Variants in DCC observed in about 807,000 individuals in gnomAD.
The protein encoded by DCC is DCC netrin 1 receptor.
In DCC, 58 loss-of-function variants were observed where a neutral mutation model predicts 172.5. The observed-to-expected ratio is 0.34, with a 90% CI of 0.27 to 0.42. DCC has a LOEUF of 0.42. Ranked by LOEUF, DCC falls within the 10% of genes least tolerant of loss-of-function variation. DCC has a pLI of 1.00. For missense variants in DCC, 1,740 were observed against 1,791.0 expected (o/e 0.97, Z 0.51); for synonymous variants, 709 against 644.5 (o/e 1.10, Z -1.52).
chr18:52,882,505 C>A (rs1369929156), intron 2 of DCC, among the ~76,000 whole-genome samples: 1 of 151,898 alleles, frequency 6.6e-6, no homozygotes, highest in Non-Finnish European at 1.5e-5. Flanking sequence ...TTTGTTTCAA[C>A]AAATTTTTCA....
chr18:53,262,158 A>G (rs1225538841), intron 12 of DCC, among the ~76,000 whole-genome samples: 1 of 152,238 alleles, frequency 6.6e-6, no homozygotes, highest in Non-Finnish European at 1.5e-5. Flanking sequence ...TCAGAAGCCA[A>G]CATGGCAGAT....
At chr18:52,536,717 T>C (rs1303175461) in intron 1 of DCC, among the ~76,000 whole-genome samples, 5 of 152,160 alleles carry the variant, frequency 3.3e-5, no homozygotes, top group African/African-American at 9.7e-5. Flanking sequence ...CTAGGACATG[T>C]CGCCCTTTTC....
intron 13 of DCC, among the ~76,000 whole-genome samples, chr18:53,306,612 C>T (rs2057203398): frequency 6.6e-6 from 1 of 152,212 alleles, no homozygotes; most frequent in Non-Finnish European, 1.5e-5. Context: ...TGGTTGAGTT[C>T]ACCAACAGCT....
chr18:52,642,014 GTATATATATATATATATATA>G (rs1193018662), intron 1 of DCC, among the ~76,000 whole-genome samples: 6 of 34,504 alleles, frequency 1.7e-4, no homozygotes, highest in Non-Finnish European at 3.0e-4. Flanking sequence ...GTGTGTGTGT[GTATATATATATATATATATA>G]TATATATATA....
intron 2 of DCC, among the ~76,000 whole-genome samples, chr18:52,790,817 C>A (rs2037749800): frequency 6.6e-6 from 1 of 152,156 alleles, no homozygotes; most frequent in African/African-American, 2.4e-5. Context: ...TGGGGTTAAG[C>A]TTTGGAGCAG....
chr18:52,346,564 G>T (rs1983887230), intron 1 of DCC, among the ~76,000 whole-genome samples: 1 of 152,142 alleles, frequency 6.6e-6, no homozygotes, highest in South Asian at 2.1e-4. Context: ...GTGTGGTTTA[G>T]AAATACATAA....
chr18:52,719,296 C>T (rs1001077226), intron 1 of DCC, among the ~76,000 whole-genome samples: 21 of 151,980 alleles, frequency 1.4e-4, no homozygotes, highest in African/African-American at 5.1e-4. Flanking sequence ...TGGGGGATGA[C>T]AGTGTATTCA....
intron 15 of DCC, among the ~76,000 whole-genome samples, chr18:53,340,965 A>G (rs372057180): frequency 6.6e-6 from 1 of 152,204 alleles, no homozygotes; most frequent in African/African-American, 2.4e-5. Context: ...AAAGGAAGAA[A>G]ATTGCACTGA....
chr18:52,365,604 G>A (rs1984813482), intron 1 of DCC, among the ~76,000 whole-genome samples: 1 of 151,946 alleles, frequency 6.6e-6, no homozygotes, highest in African/African-American at 2.4e-5. Context: ...GAGGGGAGGA[G>A]GGATGCAGCA....
chr18:53,116,520 T>C (rs990148728), intron 7 of DCC, among the ~76,000 whole-genome samples: 1 of 151,768 alleles, frequency 6.6e-6, no homozygotes, highest in Admixed American at 6.6e-5. Context: ...GGTTTTGTTT[T>C]CCTGATGTTT....
intron 15 of DCC, among the ~76,000 whole-genome samples, chr18:53,340,460 A>G (rs908726059): frequency 1.3e-5 from 2 of 152,182 alleles, no homozygotes; most frequent in South Asian, 4.1e-4. Context: ...AAGACAATAC[A>G]TTAGAATGAT....
At chr18:53,423,286 G>C (rs73461187) in intron 21 of DCC, among the ~76,000 whole-genome samples, 10,466 of 152,122 alleles carry the variant, frequency 0.069, 656 homozygotes, top group African/African-American at 0.16. Context: ...CCAAGTACAC[G>C]GTCTTCCTAG....
chr18:53,149,549 GT>G (rs2043968438), intron 7 of DCC, among the ~76,000 whole-genome samples: 1 of 152,116 alleles, frequency 6.6e-6, no homozygotes, highest in Admixed American at 6.5e-5. Context: ...GCTGCCTGTG[GT>G]ACTTGCTGTA....
intron 3 of DCC, among the ~76,000 whole-genome samples, chr18:52,919,967 GA>G (rs1249343897): frequency 1.2e-5 from 1 of 85,554 alleles, no homozygotes; most frequent in Non-Finnish European, 2.3e-5. Flanking sequence ...AGTCAGTGGA[GA>G]AAAAAATCGC....
intron 5 of DCC, among the ~76,000 whole-genome samples, chr18:52,941,504 A>G (rs200853421): frequency 1.5e-4 from 17 of 110,734 alleles, no homozygotes; most frequent in African/African-American, 3.6e-4. Flanking sequence ...GTGTGTGTGT[A>G]TATATATATA....
chr18:53,126,042 AC>A (rs753846168), intron 7 of DCC, among the ~76,000 whole-genome samples: 1 of 152,100 alleles, frequency 6.6e-6, no homozygotes, highest in Non-Finnish European at 1.5e-5. Context: ...CTGTTGATGA[AC>A]TTAACTTTTC....
chr18:52,779,161 C>CT (rs201972311), intron 2 of DCC, among the ~76,000 whole-genome samples: 8,007 of 151,566 alleles, frequency 0.053, 289 homozygotes, highest in South Asian at 0.16. Context: ...ATCCATAAAT[C>CT]TTTTTTTTTA....
At chr18:52,568,779 T>C (rs1307474938) in intron 1 of DCC, among the ~76,000 whole-genome samples, 11 of 152,118 alleles carry the variant, frequency 7.2e-5, no homozygotes, top group Admixed American at 7.2e-4. Flanking sequence ...ACGTGCAAGG[T>C]GTGGTCTCTG....
At chr18:53,026,624 T>A (rs1360294396) in intron 5 of DCC, among the ~76,000 whole-genome samples, 1 of 152,136 alleles carries the variant, frequency 6.6e-6, no homozygotes, top group African/African-American at 2.4e-5. Context: ...GGTGCAATCA[T>A]AGCTCTCTGC....
Sources: allele counts gnomAD v4.1 joint callset (sites outside exome capture counted in the v4.1 genomes callset), GRCh38; gene constraint gnomAD v4.1.1; transcripts MANE v1.5; gene names NCBI Gene and HGNC (gene_info 2026-07-23, HGNC 2026-07-21).